The following STARD13 variants were observed in gnomAD, a reference collection of about 807,000 sequenced individuals.
The protein encoded by STARD13 is StAR related lipid transfer domain containing 13.
A neutral mutation model predicts 106.4 loss-of-function variants in STARD13; 62 were observed. The ratio of observed to expected loss-of-function variants is 0.58; its 90% CI spans 0.48 to 0.72. The LOEUF (loss-of-function observed/expected upper bound fraction) is 0.72, where lower values mean the gene tolerates loss of function less well. STARD13 is among the 30% of genes least tolerant of loss of function. The pLI, the probability that STARD13 is intolerant of heterozygous loss-of-function variation, is 0.00. For missense variants in STARD13, 1,387 were observed against 1,424.0 expected (o/e 0.97, Z 0.42); for synonymous variants, 565 against 553.0 (o/e 1.02, Z -0.31).
intron 1 of STARD13, among the ~76,000 whole-genome samples, chr13:33,222,838 A>G (rs1888429625): frequency 6.6e-6 from 1 of 152,244 alleles, no homozygotes; most frequent in African/African-American, 2.4e-5. Context: ...GTAACAAATA[A>G]TGTCACAGAG....
At chr13:33,553,720 C>T in the STARD13 span, among the ~76,000 whole-genome samples, 3 of 151,618 alleles carry the variant, frequency 2.0e-5, no homozygotes, top group Non-Finnish European at 4.4e-5. Flanking sequence ...GCTGGGACTA[C>T]AGGCACCCAC....
chr13:33,399,146 T>G, the STARD13 span, among the ~76,000 whole-genome samples: 130 of 152,264 alleles, frequency 8.5e-4, no homozygotes, highest in African/African-American at 3.0e-3. Flanking sequence ...AATGGAGTAT[T>G]ATTCAGGCAT....
chr13:33,376,040 ATATGGTTTGACCATATTACTTAAG>A, the STARD13 span, among the ~76,000 whole-genome samples: 8 of 152,286 alleles, frequency 5.3e-5, no homozygotes, highest in South Asian at 6.2e-4. Flanking sequence ...TAGAAAAGAA[ATATGGTTTGACCATATTACTTAAG>A]TATGGTTTGA....
Position 33,194,575 on chromosome 13 carries a change from ATTACT to A in STARD13, c.170-26958_170-26954del, listed in dbSNP as rs571291921. ...TTTAAGGTATTTAGTGCAGAATGAA[ATTACT>A]TTAATATAAACTAGATGTAATTTGT... On this transcript the variant is annotated intron_variant, in intron 1 of 13. Coordinates refer to ENST00000336934, the MANE Select transcript of STARD13 (RefSeq NM_178006.4). 1.8e-3 allele frequency among the ~76,000 whole-genome samples: 269 copies of A among 152,356 alleles called. 1 individual carries two copies. Among genetic ancestry groups the A allele is most frequent in the African/African-American group, 5.9e-3 (246 of 41,590 alleles).
the STARD13 span, among the ~76,000 whole-genome samples, chr13:33,436,564 T>A: frequency 6.6e-6 from 1 of 152,198 alleles, no homozygotes; most frequent in South Asian, 2.1e-4. Context: ...TATATAACAT[T>A]CATTTCTGTT....
At chr13:33,404,482 G>A in the STARD13 span, among the ~76,000 whole-genome samples, 30 of 152,312 alleles carry the variant, frequency 2.0e-4, no homozygotes, top group African/African-American at 7.0e-4. Flanking sequence ...TATTCCTGCT[G>A]TTTAGAATGC....
chr13:33,410,333 C>T, the STARD13 span, among the ~76,000 whole-genome samples: 1 of 152,214 alleles, frequency 6.6e-6, no homozygotes, highest in Non-Finnish European at 1.5e-5. Context: ...AGGTGCTATA[C>T]ACCCTCTCTT....
Position 33,110,908 on chromosome 13 carries a change from C to T in STARD13, c.2608-1G>A. On this transcript the variant is annotated splice_acceptor_variant, in intron 10 of 13. Coordinates refer to ENST00000336934, the MANE Select transcript of STARD13 (RefSeq NM_178006.4). LOFTEE classifies it high-confidence loss of function. ...ACTGGGCCACCAACTCGTGTGGAAC[C>T]TAGACCAACGGATGCATGAAAGGGC... 1 of 1,612,360 alleles carries T rather than the reference C, an allele frequency of 6.2e-7. No homozygotes were observed. Among genetic ancestry groups the T allele is most frequent in the Non-Finnish European group, 8.5e-7 (1 of 1,179,632 alleles).
At chr13:33,441,762 C>T in the STARD13 span, among the ~76,000 whole-genome samples, 3 of 152,316 alleles carry the variant, frequency 2.0e-5, no homozygotes, top group African/African-American at 7.2e-5. Flanking sequence ...CTTCCCATCC[C>T]ATTGTTTGTG....
At chr13:33,118,853 T>G (rs1219218186) in intron 7 of STARD13, among the ~76,000 whole-genome samples, 1 of 152,206 alleles carries the variant, frequency 6.6e-6, no homozygotes, top group African/African-American at 2.4e-5. Context: ...TTTAAGGAAT[T>G]TATTTACTTT....
At chr13:33,524,910 T>C in the STARD13 span, among the ~76,000 whole-genome samples, 26 of 152,144 alleles carry the variant, frequency 1.7e-4, no homozygotes, top group African/African-American at 5.8e-4. Flanking sequence ...TATATTAGTA[T>C]TGATTGTAGT....
At chr13:33,657,132 T>C in the STARD13 span, among the ~76,000 whole-genome samples, 1 of 151,972 alleles carries the variant, frequency 6.6e-6, no homozygotes, top group African/African-American at 2.4e-5. Flanking sequence ...TAGCTGGGCG[T>C]GGTGGCGGGC....
At chr13:33,643,677 G>A in the STARD13 span, among the ~76,000 whole-genome samples, 2 of 152,252 alleles carry the variant, frequency 1.3e-5, no homozygotes, top group African/African-American at 4.8e-5. Flanking sequence ...TGGTGAACGG[G>A]TGCCAGTCTG....
the STARD13 span, among the ~76,000 whole-genome samples, chr13:33,538,863 G>A: frequency 1.3e-5 from 2 of 151,260 alleles, no homozygotes; most frequent in African/African-American, 2.4e-5. Context: ...TCCGCCTCCC[G>A]GGTTCACACC....
the STARD13 span, among the ~76,000 whole-genome samples, chr13:33,643,331 C>T: frequency 6.6e-6 from 1 of 152,242 alleles, no homozygotes; most frequent in South Asian, 2.1e-4. Context: ...AGGGAAGTGT[C>T]CTGCCCACCA....
chr13:33,350,731 C>A, upstream of STARD13: 1 of 969,404 alleles, frequency 1.0e-6, no homozygotes, highest in Non-Finnish European at 1.3e-6. Context: ...CTCCCCTGCC[C>A]TCCCCCTGGC....
At chr13:33,378,893 T>G in the STARD13 span, among the ~76,000 whole-genome samples, 54 of 151,770 alleles carry the variant, frequency 3.6e-4, no homozygotes, top group Admixed American at 6.6e-5. Flanking sequence ...GCAGATAGCT[T>G]GAGCCCAGGA....
chr13:33,496,145 A>G, the STARD13 span, among the ~76,000 whole-genome samples: 2 of 125,658 alleles, frequency 1.6e-5, no homozygotes, highest in South Asian at 5.0e-4. Context: ...TAATCATTTT[A>G]ATTTATGATT....
In STARD13 at chr13:33,103,256, A is replaced by T. The variant is rs1159309612; in HGVS notation, c.*2337T>A. On this transcript the variant is annotated 3_prime_UTR_variant, in exon 14 of 14. Coordinates refer to ENST00000336934, the MANE Select transcript of STARD13 (RefSeq NM_178006.4). ...AAAAATATACATGAGGTATAAATAT[A>T]ATATTTAAATGCAATATCATACTTT... 1 of 152,684 alleles carries T rather than the reference A, an allele frequency of 6.5e-6. No homozygotes were observed. The highest frequency in any genetic ancestry group is 6.5e-5 in the Admixed American group (1 of 15,276). The allele number at this position is 152,684 out of a possible 1,614,324, so 9.5% of individuals were successfully genotyped here.
Sources: allele counts gnomAD v4.1 joint callset (sites outside exome capture counted in the v4.1 genomes callset), GRCh38; gene constraint gnomAD v4.1.1; transcripts MANE v1.5; gene names NCBI Gene and HGNC (gene_info 2026-07-23, HGNC 2026-07-21).